Variants in RIPK3 observed in about 807,000 individuals in gnomAD.
The protein encoded by RIPK3 is receptor interacting serine/threonine kinase 3.
RIPK3 carries 51 observed loss-of-function variants against 51.6 expected under a neutral mutation model. That is an observed-to-expected ratio of 0.99 (90% CI 0.79 to 1.25). RIPK3 has a LOEUF of 1.25. Ranked by LOEUF, RIPK3 falls within the 50% of genes most tolerant of loss-of-function variation. The pLI is 0.00. For missense variants in RIPK3, 654 were observed against 650.4 expected, an observed-to-expected ratio of 1.01 and a Z score of -0.06; for synonymous variants, 246 against 257.7, an observed-to-expected ratio of 0.95 and a Z score of 0.44.
chr14:24,338,274 T>C lies in RIPK3; in HGVS notation c.639A>G (p.Ala213=). Residue 213 remains alanine (A), a synonymous_variant, in exon 5 of 10, where the codon GCA becomes GCG. Transcript: ENST00000216274. ...ACTCAACTTCTCTTCCAGCAAGCAC[T>C]GCCCACATTAGGATCCCGAAGCTGC... ...DVYSFGILMW[A]VLAGREVELP... 6.6e-7 allele frequency: 1 copy of C among 1,524,224 alleles called. No individual in the cohort carries two copies. Among genetic ancestry groups the C allele is most frequent in the Non-Finnish European group, 8.8e-7 (1 of 1,136,142 alleles). 94.4% of individuals were successfully genotyped at this position (1,524,224 alleles called of 1,614,324 possible).
chr14:24,339,546 C>T lies in RIPK3; in HGVS notation c.72G>A (p.Gln24=). The T allele has an allele frequency of 6.2e-7, 1 of 1,614,178 alleles. No individual in the cohort carries two copies. Among genetic ancestry groups the T allele is most frequent in the Non-Finnish European group, 8.5e-7 (1 of 1,180,024 alleles). The change falls in exon 2 of 10, where the codon CAG becomes CAA. Residue 24 remains glutamine, a synonymous_variant. Transcript: ENST00000216274. This position sits in a 1 kb window ranked among gnomAD's most constrained non-coding sequence, Gnocchi z 4.0. ...PLVSIEELEN[Q]ELVGKGGFGT... Reference sequence around the variant, plus strand: ...CGAACCCGCCTTTGCCGACGAGCTCCTGGTTCTCCAGTTCCTCGATGGACA... The same window carrying T: ...CGAACCCGCCTTTGCCGACGAGCTCTTGGTTCTCCAGTTCCTCGATGGACA...
In RIPK3 at chr14:24,337,575, C is replaced by T. The variant is rs751474150; in HGVS notation, c.901-115G>A. On this transcript the variant is annotated intron_variant, in intron 7 of 9. Transcript: ENST00000216274. ...TGGGAACTCAGGGGTGGGCTGGGGA[C>T]GGTGGGTACAAAGGTCAAGGCATAA... 61 of 1,584,960 alleles carry T rather than the reference C, an allele frequency of 3.8e-5. 1 individual carries two copies. The highest frequency in any genetic ancestry group is 1.6e-4 in the South Asian group (14 of 90,316).
At chr14:24,337,055 A>G in intron 8 of RIPK3, 31 bp downstream of exon 8, 1 of 1,610,860 alleles carries the variant, frequency 6.2e-7, no homozygotes, top group Non-Finnish European at 8.5e-7. Flanking sequence ...TAGGACTCTT[A>G]GTGCATCCCC....
chr14:24,337,380 C>A lies in RIPK3; in HGVS notation c.981G>T (p.Met327Ile), dbSNP rs1451209934. The change falls in exon 8 of 10, where the codon ATG becomes ATT. Residue 327 changes from methionine to isoleucine, a missense_variant. By Grantham distance (10) the Met-to-Ile change is conservative. Coordinates refer to ENST00000216274, the MANE Select transcript of RIPK3 (RefSeq NM_006871.4). ...IPESGQGGTE[M>I]DGFRRTIENQ... ...TTTCTATGGTTCTCCTAAAGCCATC[C>A]ATTTCTGTCCCTCCTTGGCCTGACT... 3.7e-6 allele frequency: 6 copies of A among 1,613,974 alleles called. No homozygotes were observed. In the South Asian group the frequency reaches 4.4e-5, roughly 12 times the overall value.
chr14:24,339,936 G>A lies in RIPK3; in HGVS notation c.-110C>T, dbSNP rs2042173582. 2 of 1,217,884 alleles carry A rather than the reference G, an allele frequency of 1.6e-6. No homozygotes were observed. Among genetic ancestry groups the A allele is most frequent in the Non-Finnish European group, 2.3e-6 (2 of 869,154 alleles). 75.4% of individuals were successfully genotyped at this position (1,217,884 alleles called of 1,614,324 possible). On this transcript the variant is annotated 5_prime_UTR_variant, in exon 1 of 10. Coordinates refer to ENST00000216274, the MANE Select transcript of RIPK3 (RefSeq NM_006871.4). The surrounding 1 kb of genome is among the most constrained non-coding windows in gnomAD (Gnocchi z 4.0). The stretch of plus-strand genomic sequence containing the variant: ...AGGGGAAGGGGTCTGTCTGTGCAGG[G>A]GTCAGTCTCTAGACCAAGACGGTGA...
In RIPK3 at chr14:24,339,258, T is replaced by G. The variant is rs757344697; in HGVS notation, c.228A>C (p.Glu76Asp). 6.2e-7 allele frequency: 1 copy of G among 1,614,040 alleles called. No homozygotes were observed. Among genetic ancestry groups the G allele is most frequent in the South Asian group, 1.1e-5 (1 of 91,092 alleles). ...SLDNEFVLRL[E>D]GVIEKVNWDQ... ...CCCAGTTCACCTTCTCGATAACCCC[T>G]TCTAGGCGCAGCACGAATTCGTTAT... Residue 76 changes from glutamate (E) to aspartate (D), a missense_variant, in exon 3 of 10, where the codon GAA becomes GAC. Transcript: ENST00000216274. The surrounding 1 kb of genome is among the most constrained non-coding windows in gnomAD (Gnocchi z 4.0).
chr14:24,337,352 G>A lies in RIPK3; in HGVS notation c.1009C>T (p.Gln337Ter). 1.9e-6 allele frequency: 3 copies of A among 1,613,988 alleles called. No individual in the cohort carries two copies. The highest frequency in any genetic ancestry group is 2.5e-6 in the Non-Finnish European group (3 of 1,180,030). ...MDGFRRTIEN[Q>*]HSRNDVMVSE... ...ACCATGACATCATTACGAGAGTGCT[G>A]GTTTTCTATGGTTCTCCTAAAGCCA... The change falls in exon 8 of 10, where the codon CAG (glutamine) becomes TAG (stop). Residue 337 changes from glutamine to a stop codon, truncating the protein, a stop_gained. Transcript: ENST00000216274. LOFTEE classifies it high-confidence loss of function.
rs759957092 is a variant in RIPK3 at position 24,339,141 on chromosome 14, C to A, written c.345G>T (p.Pro115=). The change falls in exon 3 of 10, where the codon CCG becomes CCT. Residue 115 remains proline, a synonymous_variant. Transcript: ENST00000216274. The surrounding 1 kb of genome is among the most constrained non-coding windows in gnomAD (Gnocchi z 4.0). ...LLQSQCPRPW[P]LLCRLLKEVV... ...CTTCTTTCAGCAGGCGGCAAAGGAG[C>A]GGCCAGGGCCGAGGGCACTGGGACT... The A allele has an allele frequency of 6.2e-6, 10 of 1,614,088 alleles. 1 individual carries two copies. Among genetic ancestry groups the A allele is most frequent in the Non-Finnish European group, 2.5e-6 (3 of 1,180,030 alleles).
chr14:24,338,186 C>G, intron 5 of RIPK3, 63 bp downstream of exon 5: 2 of 1,541,100 alleles, frequency 1.3e-6, no homozygotes, highest in Non-Finnish European at 1.8e-6. Flanking sequence ...AAGGGGAAGC[C>G]TTGGGGCTTT....
intron 4 of RIPK3, 41 bp from the exon 5 acceptor site, chr14:24,338,336 C>T (rs2139240808): frequency 6.5e-7 from 1 of 1,538,160 alleles, no homozygotes; most frequent in Non-Finnish European, 8.8e-7. Flanking sequence ...CAATCACTGG[C>T]AAGACTCCTT....
chr14:24,337,501 A>T (rs1261003843), intron 7 of RIPK3, 41 bp from the exon 8 acceptor site: 1 of 1,610,822 alleles, frequency 6.2e-7, no homozygotes, highest in Admixed American at 1.7e-5. Context: ...GACTTGGATG[A>T]GCCAGAGTAA....
chr14:24,339,178 G>A lies in RIPK3; in HGVS notation c.308C>T (p.Ser103Leu), dbSNP rs779973589. The A allele has an allele frequency of 7.4e-6, 12 of 1,614,260 alleles. No individual in the cohort carries two copies. The East Asian group carries it at 1.8e-4, about 24-fold the overall frequency. ...VTKFMENGSLSGLLQSQCPRP... is the reference protein window; with the variant it reads ...VTKFMENGSLLGLLQSQCPRP... ...AGGGCACTGGGACTGCAGCAGCCCC[G>A]ACAAGGAGCCGTTCTCCATGAATTT... Residue 103 changes from serine to leucine, a missense_variant, in exon 3 of 10, where the codon TCG becomes TTG. Physicochemically the swap from Ser to Leu is moderately radical, Grantham distance 145. Transcript: ENST00000216274. This position sits in a 1 kb window ranked among gnomAD's most constrained non-coding sequence, Gnocchi z 4.0.
In RIPK3 at chr14:24,337,898, C is replaced by T; in HGVS notation, c.807G>A (p.Glu269=). 1 of 1,614,202 alleles carries T rather than the reference C, an allele frequency of 6.2e-7. No individual in the cohort carries two copies. The highest frequency in any genetic ancestry group is 8.5e-7 in the Non-Finnish European group (1 of 1,180,022). The change falls in exon 6 of 10, where the codon GAG becomes GAA. Residue 269 remains glutamate (E), a synonymous_variant. Transcript: ENST00000216274. ...KELMQLCWSS[E]PKDRPSFQEC... ...CCTGGAAGGAGGGTCTGTCCTTGGG[C>T]TCACTGCTCCAGCAGAGCTGCATTA...
At position 24,339,123 on chromosome 14, in the gene RIPK3, C is replaced by G. The variant is rs772818469; in HGVS notation, c.363G>C (p.Leu121=). The change falls in exon 3 of 10, where the codon CTG becomes CTC. Residue 121 remains leucine, a synonymous_variant. Coordinates refer to ENST00000216274, the MANE Select transcript of RIPK3 (RefSeq NM_006871.4). The surrounding 1 kb of genome is among the most constrained non-coding windows in gnomAD (Gnocchi z 4.0). ...PRPWPLLCRL[L]KEVVLGMFYL... ...AAAACATCCCAAGCACCACTTCTTT[C>G]AGCAGGCGGCAAAGGAGCGGCCAGG... is the stretch of plus-strand genomic sequence containing the variant. The G allele has an allele frequency of 2.5e-6, 4 of 1,614,230 alleles. No homozygotes were observed. The highest frequency in any genetic ancestry group is 3.4e-6 in the Non-Finnish European group (4 of 1,180,040).
chr14:24,337,098 GGGTCCA>G lies in RIPK3; in HGVS notation c.1257_1262del (p.Gly420_Pro421del), dbSNP rs750669564. 5 of 1,611,444 alleles carry G rather than the reference GGGTCCA, an allele frequency of 3.1e-6. No individual in the cohort carries two copies. The highest frequency in any genetic ancestry group is 4.2e-6 in the Non-Finnish European group (5 of 1,179,954). The stretch of plus-strand genomic sequence containing the variant: ...GTCAATGTCTCACCTGATTCCCTCG[GGGTCCA>G]GGACTTGGTGTTCCAGTTGAGGTAG... On this transcript the variant is annotated inframe_deletion, in exon 8 of 10. Transcript: ENST00000216274.
chr14:24,338,720 C>T (rs1332371628), intron 3 of RIPK3, 153 bp from the exon 4 acceptor site: 1 of 1,108,898 alleles, frequency 9.0e-7, no homozygotes, highest in Admixed American at 2.9e-5. Flanking sequence ...GATCTAGGTG[C>T]CTTGTGGTAG....
Position 24,339,397 on chromosome 14 carries a change from G to A in RIPK3, c.161+60C>T. 6.2e-7 allele frequency: 1 copy of A among 1,613,132 alleles called. No homozygotes were observed. The highest frequency in any genetic ancestry group is 1.7e-4 in the Middle Eastern group (1 of 6,050). On this transcript the variant is annotated intron_variant, in intron 2 of 9. Coordinates refer to ENST00000216274, the MANE Select transcript of RIPK3 (RefSeq NM_006871.4). The surrounding 1 kb of genome is among the most constrained non-coding windows in gnomAD (Gnocchi z 4.0). The stretch of plus-strand genomic sequence containing the variant: ...CCCTCCCTTCGCCATTCAGGCCCCA[G>A]AGCACAGTGGCTCCACCTTTTTGGC...
At position 24,336,957 on chromosome 14, in the gene RIPK3, A is replaced by G. The variant is rs754250147; in HGVS notation, c.1276-12T>C. ...TGTCTCTCAGCCCCCTGCAAACAGC[A>G]CAGAGCATCCAGTTCTGCCCTGGAG... On this transcript the variant is annotated splice_polypyrimidine_tract_variant and intron_variant, in intron 8 of 9. Coordinates refer to ENST00000216274, the MANE Select transcript of RIPK3 (RefSeq NM_006871.4). 7.4e-6 allele frequency: 12 copies of G among 1,613,322 alleles called. No homozygotes were observed. In the East Asian group the frequency reaches 2.7e-4, roughly 36 times the overall value.
rs770121160 is a variant in RIPK3 at position 24,339,608 on chromosome 14, G to A, written c.21-11C>T. On this transcript the variant is annotated splice_polypyrimidine_tract_variant and intron_variant, in intron 1 of 9. Transcript: ENST00000216274. This position sits in a 1 kb window ranked among gnomAD's most constrained non-coding sequence, Gnocchi z 4.0. Reference sequence around the variant, plus strand: ...GGGGCACCGCTGGGCCTGAGAGAGGGGTGTCGCCCACTAGCCGGCCGTGCC... The same window carrying A: ...GGGGCACCGCTGGGCCTGAGAGAGGAGTGTCGCCCACTAGCCGGCCGTGCC... 6.2e-7 allele frequency: 1 copy of A among 1,613,802 alleles called. No individual in the cohort carries two copies. The highest frequency in any genetic ancestry group is 8.5e-7 in the Non-Finnish European group (1 of 1,179,854).
Sources: allele counts gnomAD v4.1 joint callset, GRCh38; gene constraint gnomAD v4.1.1; non-coding constraint Gnocchi (gnomAD v3.1); transcripts MANE v1.5; gene names NCBI Gene and HGNC (gene_info 2026-07-23, HGNC 2026-07-21).